Variants in HSD17B8 observed in about 807,000 individuals in gnomAD.
HSD17B8 encodes the protein hydroxysteroid 17-beta dehydrogenase 8, also known as (3R)-3-hydroxyacyl-CoA dehydrogenase.
HSD17B8 carries 23 observed loss-of-function variants against 33.2 expected under a neutral mutation model. That is an observed-to-expected ratio of 0.69 (90% confidence interval 0.50 to 0.98). The LOEUF (loss-of-function observed/expected upper bound fraction) is 0.98. HSD17B8 is among the 50% of genes least tolerant of loss of function. The pLI is 0.00. For synonymous variants in HSD17B8, 137 were observed against 138.6 expected, an observed-to-expected ratio of 0.99 and a Z score of 0.08; for missense variants, 345 against 347.5, an observed-to-expected ratio of 0.99 and a Z score of 0.06.
At position 33,204,691 on chromosome 6, in the gene HSD17B8, G is replaced by C. The variant is rs773380800; in HGVS notation, c.23G>C (p.Arg8Pro). The change falls in exon 1 of 9, where the codon CGA becomes CCA. Residue 8 changes from arginine to proline, a missense_variant. Coordinates refer to ENST00000374662, the MANE Select transcript of HSD17B8 (RefSeq NM_014234.5). MASQLQN[R>P]LRSALALVTG... The stretch of plus-strand genomic sequence containing the variant: ...GCCATGGCGTCTCAGCTCCAGAACC[G>C]ACTCCGCTCCGCACTGGCCTTGGTC... The C allele has an allele frequency of 2.5e-6, 4 of 1,569,064 alleles. No homozygotes were observed. The highest frequency in any genetic ancestry group is 1.7e-5 in the Admixed American group (1 of 58,564).
Position 33,206,046 on chromosome 6 carries a change from G to A in HSD17B8, c.652-88G>A. The A allele has an allele frequency of 1.3e-6, 2 of 1,483,618 alleles. No homozygotes were observed. Among genetic ancestry groups the A allele is most frequent in the South Asian group, 2.3e-5 (2 of 86,462 alleles). The allele number at this position is 1,483,618 out of a possible 1,614,324, so 91.9% of individuals were successfully genotyped here. A position where few individuals can be genotyped will look rare whatever the true frequency, so the allele number is the denominator to read the frequency against. On this transcript the variant is annotated intron_variant, in intron 6 of 8. Transcript: ENST00000374662. The surrounding 1 kb of genome is among the most constrained non-coding windows in gnomAD (Gnocchi z 6.2). ...AACATTAAATATTCAATGAATGTAT[G>A]AGAAATGAAGACAAAAAAGGGTCAC... is the stretch of plus-strand genomic sequence containing the variant.
chr6:33,205,530 C>CGTAGGAAAGGTCAGGTTGAGTT lies in HSD17B8; in HGVS notation c.473_480+14dup, dbSNP rs1562440835. ...GTTCCATCATCAACATCAGTAGCAT[C>CGTAGGAAAGGTCAGGTTGAGTT]GTAGGAAAGGTCAGGTTGAGTTGGA... On this transcript the variant is annotated frameshift_variant, in exon 4 of 9. Transcript: ENST00000374662. LOFTEE classifies it high-confidence loss of function. The surrounding 1 kb of genome is among the most constrained non-coding windows in gnomAD (Gnocchi z 5.0). 31 of 1,612,900 alleles carry CGTAGGAAAGGTCAGGTTGAGTT rather than the reference C, an allele frequency of 1.9e-5. No homozygotes were observed. The highest frequency in any genetic ancestry group is 2.6e-5 in the Non-Finnish European group (31 of 1,179,968).
chr6:33,204,738 C>A lies in HSD17B8; in HGVS notation c.52+18C>A, dbSNP rs563634522. 5 of 1,612,930 alleles carry A rather than the reference C, an allele frequency of 3.1e-6. No individual in the cohort carries two copies. The highest frequency in any genetic ancestry group is 4.2e-6 in the Non-Finnish European group (5 of 1,179,948). ...GGTCACAGGTTGAGGGGGTTCTTTC[C>A]CCGGGCGGTTTGGGGTATTGGAGTG... On this transcript the variant is annotated intron_variant, in intron 1 of 8. Coordinates refer to ENST00000374662, the MANE Select transcript of HSD17B8 (RefSeq NM_014234.5).
chr6:33,206,111 C>T lies in HSD17B8; in HGVS notation c.652-23C>T, dbSNP rs756946621. 2 of 1,608,996 alleles carry T rather than the reference C, an allele frequency of 1.2e-6. No individual in the cohort carries two copies. The highest frequency in any genetic ancestry group is 1.7e-6 in the Non-Finnish European group (2 of 1,178,306). On this transcript the variant is annotated intron_variant, in intron 6 of 8. Transcript: ENST00000374662. The surrounding 1 kb of genome is among the most constrained non-coding windows in gnomAD (Gnocchi z 6.2). ...AAAAAATCCATAAAAGAAGCTTTCACCCACATGAGTATTTCCTTACAGATT... is the reference window on the plus strand; with the variant it reads ...AAAAAATCCATAAAAGAAGCTTTCATCCACATGAGTATTTCCTTACAGATT...
Position 33,204,693 on chromosome 6 carries a change from C to A in HSD17B8, c.25C>A (p.Leu9Ile). Residue 9 changes from leucine (L) to isoleucine (I), a missense_variant, in exon 1 of 9, where the codon CTC becomes ATC. Coordinates refer to ENST00000374662, the MANE Select transcript of HSD17B8 (RefSeq NM_014234.5). MASQLQNR[L>I]RSALALVTGA... ...CATGGCGTCTCAGCTCCAGAACCGACTCCGCTCCGCACTGGCCTTGGTCAC... is the reference window on the plus strand; with the variant it reads ...CATGGCGTCTCAGCTCCAGAACCGAATCCGCTCCGCACTGGCCTTGGTCAC... 1.2e-6 allele frequency: 2 copies of A among 1,613,018 alleles called. No individual in the cohort carries two copies. The highest frequency in any genetic ancestry group is 1.7e-6 in the Non-Finnish European group (2 of 1,180,010).
Position 33,204,956 on chromosome 6 carries a change from C to A in HSD17B8, c.107C>A (p.Ala36Asp), listed in dbSNP as rs894301835. 1 of 1,463,946 alleles carries A rather than the reference C, an allele frequency of 6.8e-7. No homozygotes were observed. Among genetic ancestry groups the A allele is most frequent in the Admixed American group, 2.7e-5 (1 of 37,234 alleles). The allele number at this position is 1,463,946 out of a possible 1,614,324, so 90.7% of individuals were successfully genotyped here. Residue 36 changes from alanine (A) to aspartate (D), a missense_variant, in exon 2 of 9, where the codon GCC becomes GAC. Coordinates refer to ENST00000374662, the MANE Select transcript of HSD17B8 (RefSeq NM_014234.5). ...AGTGTACGCCTGGCCGGAGAGGGGG[C>A]CACCGTAGCTGCCTGCGACCTGGAC... ...AVSVRLAGEGATVAACDLDRA... is the reference protein window; with the variant it reads ...AVSVRLAGEGDTVAACDLDRA...
Position 33,205,089 on chromosome 6 carries a change from G to T in HSD17B8, c.240G>T (p.Arg80Ser). ...AAFQADVSEA[R>S]AARCLLEQVQ... ...TCCAGGCTGACGTGTCTGAGGCCAG[G>T]GCCGCCAGGTGCCTGCTGGAACAAG... The change falls in exon 2 of 9, where the codon AGG becomes AGT. Residue 80 changes from arginine (R) to serine (S), a missense_variant. Physicochemically the swap from Arg to Ser is moderately radical, Grantham distance 110. Coordinates refer to ENST00000374662, the MANE Select transcript of HSD17B8 (RefSeq NM_014234.5). The surrounding 1 kb of genome is among the most constrained non-coding windows in gnomAD (Gnocchi z 5.0). 6.4e-7 allele frequency: 1 copy of T among 1,566,760 alleles called. No homozygotes were observed. Among genetic ancestry groups the T allele is most frequent in the East Asian group, 2.2e-5 (1 of 44,498 alleles).
At position 33,206,817 on chromosome 6, in the gene HSD17B8, T is replaced by A; in HGVS notation, c.*163T>A. 2.7e-6 allele frequency: 2 copies of A among 729,410 alleles called. No individual in the cohort carries two copies. Among genetic ancestry groups the A allele is most frequent in the Non-Finnish European group, 4.8e-6 (2 of 416,464 alleles). 45.2% of individuals were successfully genotyped at this position (729,410 alleles called of 1,614,324 possible). ...GCTTGTGACCCTAATAAATTCCAAG[T>A]CCTCTTCCCTGCCACCTCCGGCTCT... On this transcript the variant is annotated 3_prime_UTR_variant, in exon 9 of 9. Coordinates refer to ENST00000374662, the MANE Select transcript of HSD17B8 (RefSeq NM_014234.5). The surrounding 1 kb of genome is among the most constrained non-coding windows in gnomAD (Gnocchi z 6.2).
In HSD17B8 at chr6:33,205,504, G is replaced by T. The variant is rs748782700; in HGVS notation, c.445G>T (p.Gly149Cys). The change falls in exon 4 of 9, where the codon GGT (glycine) becomes TGT (cysteine). Residue 149 changes from glycine to cysteine, a missense_variant. Coordinates refer to ENST00000374662, the MANE Select transcript of HSD17B8 (RefSeq NM_014234.5). The surrounding 1 kb of genome is among the most constrained non-coding windows in gnomAD (Gnocchi z 5.0). Reference protein sequence around the residue: ...AQALVSNGCRGSIINISSIVG... With the variant: ...AQALVSNGCRCSIINISSIVG... The stretch of plus-strand genomic sequence containing the variant: ...AGCCCTGGTGTCCAATGGTTGTCGT[G>T]GTTCCATCATCAACATCAGTAGCAT... 9 of 1,613,072 alleles carry T rather than the reference G, an allele frequency of 5.6e-6. No individual in the cohort carries two copies. Among genetic ancestry groups the T allele is most frequent in the Non-Finnish European group, 7.6e-6 (9 of 1,180,028 alleles).
chr6:33,206,602 C>T lies in HSD17B8; in HGVS notation c.770-36C>T, dbSNP rs1477074347. 1.9e-6 allele frequency: 3 copies of T among 1,612,720 alleles called. No homozygotes were observed. The highest frequency in any genetic ancestry group is 2.7e-5 in the African/African-American group (2 of 74,846). On this transcript the variant is annotated intron_variant, in intron 8 of 8. Coordinates refer to ENST00000374662, the MANE Select transcript of HSD17B8 (RefSeq NM_014234.5). This position sits in a 1 kb window ranked among gnomAD's most constrained non-coding sequence, Gnocchi z 6.2. The stretch of plus-strand genomic sequence containing the variant: ...ACCCCCTAGCCCATTTGTGTCTCCA[C>T]CCATGCATCTGTCCAAATGTTTCTG...
chr6:33,205,007 G>T lies in HSD17B8; in HGVS notation c.158G>T (p.Arg53Leu), dbSNP rs367755157. 463 of 1,505,418 alleles carry T rather than the reference G, an allele frequency of 3.1e-4. 7 individuals are homozygous for T. The South Asian group carries it at 4.9e-3, about 16-fold the overall frequency. The allele number at this position is 1,505,418 out of a possible 1,614,324, so 93.3% of individuals were successfully genotyped here. The change falls in exon 2 of 9, where the codon CGG becomes CTG. Residue 53 changes from arginine to leucine, a missense_variant. Physicochemically the swap from Arg to Leu is moderately radical, Grantham distance 102. Coordinates refer to ENST00000374662, the MANE Select transcript of HSD17B8 (RefSeq NM_014234.5). This position sits in a 1 kb window ranked among gnomAD's most constrained non-coding sequence, Gnocchi z 5.0. The part of the protein sequence containing the change: ...LDRAAAQETV[R>L]LLGGPGSKEG... Reference sequence around the variant, plus strand: ...CGGGCAGCGGCACAGGAGACGGTGCGGCTGCTGGGCGGGCCAGGGAGCAAG... The same window carrying T: ...CGGGCAGCGGCACAGGAGACGGTGCTGCTGCTGGGCGGGCCAGGGAGCAAG...
chr6:33,205,427 T>C lies in HSD17B8; in HGVS notation c.388-20T>C, dbSNP rs984496894. The stretch of plus-strand genomic sequence containing the variant: ...GTCACCCCAGCTGATCTTTTCTCCC[T>C]TGTTACCCTTTCCCGCCAGGGCACC... On this transcript the variant is annotated intron_variant, in intron 3 of 8. Transcript: ENST00000374662. The surrounding 1 kb of genome is among the most constrained non-coding windows in gnomAD (Gnocchi z 5.0). 1.9e-6 allele frequency: 3 copies of C among 1,612,038 alleles called. No individual in the cohort carries two copies. The African/African-American group carries it at 4.0e-5, about 22-fold the overall frequency.
In HSD17B8 at chr6:33,206,051, A is replaced by G. The variant is rs1291410326; in HGVS notation, c.652-83A>G. 1.7e-5 allele frequency: 25 copies of G among 1,500,504 alleles called. No individual in the cohort carries two copies. Among genetic ancestry groups the G allele is most frequent in the Non-Finnish European group, 2.3e-5 (25 of 1,085,250 alleles). The allele number at this position is 1,500,504 out of a possible 1,614,324, so 92.9% of individuals were successfully genotyped here. On this transcript the variant is annotated intron_variant, in intron 6 of 8. Transcript: ENST00000374662. This position sits in a 1 kb window ranked among gnomAD's most constrained non-coding sequence, Gnocchi z 6.2. ...TAAATATTCAATGAATGTATGAGAA[A>G]TGAAGACAAAAAAGGGTCACAGACT...
In HSD17B8 at chr6:33,205,579, T is replaced by C. The variant is rs757578803; in HGVS notation, c.480+40T>C. 7.0e-5 allele frequency: 113 copies of C among 1,611,308 alleles called. No homozygotes were observed. Among genetic ancestry groups the C allele is most frequent in the Non-Finnish European group, 8.9e-5 (105 of 1,178,550 alleles). On this transcript the variant is annotated intron_variant, in intron 4 of 8. Coordinates refer to ENST00000374662, the MANE Select transcript of HSD17B8 (RefSeq NM_014234.5). This position sits in a 1 kb window ranked among gnomAD's most constrained non-coding sequence, Gnocchi z 5.0. ...GACGAGGTCAGCCAGCCAAGTGGTA[T>C]AGAGAGGAGAACCCCTCCTTGAGAC...
chr6:33,205,291 A>T lies in HSD17B8; in HGVS notation c.341A>T (p.His114Leu). Residue 114 changes from histidine to leucine, a missense_variant, in exon 3 of 9, where the codon CAC (histidine) becomes CTC (leucine). Coordinates refer to ENST00000374662, the MANE Select transcript of HSD17B8 (RefSeq NM_014234.5). The surrounding 1 kb of genome is among the most constrained non-coding windows in gnomAD (Gnocchi z 5.0). ...AGITQDEFLL[H>L]MSEDDWDKVI... ...ATCACCCAGGATGAGTTTCTGCTGC[A>T]CATGTCTGAGGATGACTGGGACAAA... 6.2e-7 allele frequency: 1 copy of T among 1,613,354 alleles called. No homozygotes were observed. Among genetic ancestry groups the T allele is most frequent in the Non-Finnish European group, 8.5e-7 (1 of 1,180,006 alleles).
At position 33,205,208 on chromosome 6, in the gene HSD17B8, C is replaced by CCCCCT. The variant is rs750720359; in HGVS notation, c.271-9_271-5dup. On this transcript the variant is annotated splice_polypyrimidine_tract_variant and intron_variant, in intron 2 of 8. Transcript: ENST00000374662. This position sits in a 1 kb window ranked among gnomAD's most constrained non-coding sequence, Gnocchi z 5.0. Reference sequence around the variant, plus strand: ...GTGGGGGGTTTTTGATGCGTAACCTCCCCCTCCCATAGGCCTGCTTTTCTC... The same window carrying CCCCCT: ...GTGGGGGGTTTTTGATGCGTAACCTCCCCCTCCCCTCCCATAGGCCTGCTTTTCTC... 8.7e-6 allele frequency: 14 copies of CCCCCT among 1,611,934 alleles called. No homozygotes were observed. The highest frequency in any genetic ancestry group is 1.2e-5 in the Non-Finnish European group (14 of 1,178,942).
rs3066410 is a variant in HSD17B8, at chr6:33,205,971, C to CAGAGAGAGAGAG, written c.651+75_651+86dup. On this transcript the variant is annotated intron_variant, in intron 6 of 8. Coordinates refer to ENST00000374662, the MANE Select transcript of HSD17B8 (RefSeq NM_014234.5). This position sits in a 1 kb window ranked among gnomAD's most constrained non-coding sequence, Gnocchi z 5.0. ...AGAGACTCAATCTCTCTGGGCTTCA[C>CAGAGAGAGAGAG]AGAGAGAGAGAGAGAGAGAGAGAGA... 1,562 of 1,102,812 alleles carry CAGAGAGAGAGAG rather than the reference C, an allele frequency of 1.4e-3. 10 individuals carry two copies. In the African/African-American group the frequency reaches 0.015, roughly 11 times the overall value. 68.3% of individuals were successfully genotyped at this position (1,102,812 alleles called of 1,614,324 possible). A position where few individuals can be genotyped will look rare whatever the true frequency, so the allele number is the denominator to read the frequency against.
Position 33,206,290 on chromosome 6 carries a change from G to A in HSD17B8, c.695-85G>A. On this transcript the variant is annotated intron_variant, in intron 7 of 8. Transcript: ENST00000374662. This position sits in a 1 kb window ranked among gnomAD's most constrained non-coding sequence, Gnocchi z 6.2. ...TGGTGTCTGTGGAGAGGTTTGTGGGGAGGGATGTCTTTGGTGGGAGATTAT... is the reference window on the plus strand; with the variant it reads ...TGGTGTCTGTGGAGAGGTTTGTGGGAAGGGATGTCTTTGGTGGGAGATTAT... The A allele has an allele frequency of 6.4e-7, 1 of 1,552,238 alleles. No homozygotes were observed. Among genetic ancestry groups the A allele is most frequent in the Non-Finnish European group, 8.9e-7 (1 of 1,125,302 alleles).
rs768946922 is a variant in HSD17B8, at chr6:33,206,672, G to A, written c.*18G>A. 10 of 1,613,396 alleles carry A rather than the reference G, an allele frequency of 6.2e-6. No homozygotes were observed. The South Asian group carries it at 9.9e-5, about 16-fold the overall frequency. On this transcript the variant is annotated 3_prime_UTR_variant, in exon 9 of 9. Transcript: ENST00000374662. This position sits in a 1 kb window ranked among gnomAD's most constrained non-coding sequence, Gnocchi z 6.2. ...TCATGTAACTGCCTCAAGGACCCTG[G>A]ACTCTGCTCACCCCCCCACCACTCT... is the stretch of plus-strand genomic sequence containing the variant.
Sources: allele counts gnomAD v4.1 joint callset, GRCh38; gene constraint gnomAD v4.1.1; non-coding constraint Gnocchi (gnomAD v3.1); transcripts MANE v1.5; gene names NCBI Gene and HGNC (gene_info 2026-07-23, HGNC 2026-07-21).